The following MAP2K5 variants were observed in gnomAD, a reference collection of about 807,000 sequenced individuals.
The protein encoded by MAP2K5 is mitogen-activated protein kinase kinase 5, also known as dual specificity mitogen-activated protein kinase kinase 5.
MAP2K5 carries 49 observed loss-of-function variants against 83.1 expected under a neutral mutation model. The ratio of observed to expected loss-of-function variants is 0.59; its 90% confidence interval spans 0.47 to 0.75. MAP2K5 has a LOEUF of 0.75. MAP2K5 is among the 30% of genes least tolerant of loss of function. The pLI, the probability that MAP2K5 is intolerant of heterozygous loss-of-function variation, is 0.00. For missense variants in MAP2K5, 457 were observed against 557.5 expected, an observed-to-expected ratio of 0.82 and a Z score of 1.82; for synonymous variants, 202 against 191.8, an observed-to-expected ratio of 1.05 and a Z score of -0.44.
intron 7 of MAP2K5, among the ~76,000 whole-genome samples, chr15:67,600,417 C>G (rs1953144205): frequency 6.6e-6 from 1 of 152,168 alleles, no homozygotes; most frequent in Non-Finnish European, 1.5e-5. Context: ...CCCTTTTGAG[C>G]TATGTTGTAT....
At chr15:67,568,042 C>T (rs1055596192) in intron 3 of MAP2K5, among the ~76,000 whole-genome samples, 1 of 152,118 alleles carries the variant, frequency 6.6e-6, no homozygotes, top group Admixed American at 6.5e-5. Context: ...ATTTATTACA[C>T]CTGGTTCTCT....
At chr15:67,627,479 C>T (rs1200856121) in intron 8 of MAP2K5, among the ~76,000 whole-genome samples, 1 of 152,122 alleles carries the variant, frequency 6.6e-6, no homozygotes, top group Non-Finnish European at 1.5e-5. Context: ...TTTGTCCACT[C>T]AAGTAGGAAA....
At chr15:67,804,304 G>A (rs1228438271) in intron 21 of MAP2K5, among the ~76,000 whole-genome samples, 3 of 152,236 alleles carry the variant, frequency 2.0e-5, no homozygotes, top group African/African-American at 7.2e-5. Context: ...TGTCCCCTGT[G>A]ATTCTCCCTG....
intron 4 of MAP2K5, among the ~76,000 whole-genome samples, chr15:67,582,419 T>C (rs1185199098): frequency 6.6e-6 from 1 of 152,192 alleles, no homozygotes; most frequent in Non-Finnish European, 1.5e-5. Flanking sequence ...AGTTTCAAAA[T>C]TCTTTCTTCA....
Position 67,638,218 on chromosome 15 carries a change from A to G in MAP2K5, c.585+7291A>G, listed in dbSNP as rs898861549. Among the ~76,000 whole-genome samples the G allele has an allele frequency of 4.6e-5, 7 of 152,112 alleles. No individual in the cohort carries two copies. In the East Asian group the frequency reaches 1.2e-3, roughly 25 times the overall value. ...AGTTATTTTTCCTGATCATCTCCCC[A>G]CTTCACCCTCCACCTTCTGATAGGC... On this transcript the variant is annotated intron_variant, in intron 9 of 21. Coordinates refer to ENST00000178640, the MANE Select transcript of MAP2K5 (RefSeq NM_145160.3). This position sits in a 1 kb window ranked among gnomAD's most constrained non-coding sequence, Gnocchi z 4.5.
In MAP2K5 at chr15:67,736,487, C is replaced by A. The variant is rs2089343847; in HGVS notation, c.1074+8542C>A. Among the ~76,000 whole-genome samples the A allele has an allele frequency of 6.6e-6, 1 of 152,140 alleles. No homozygotes were observed. The highest frequency in any genetic ancestry group is 6.5e-5 in the Admixed American group (1 of 15,270). On this transcript the variant is annotated intron_variant, in intron 17 of 21. Transcript: ENST00000178640. This position sits in a 1 kb window ranked among gnomAD's most constrained non-coding sequence, Gnocchi z 4.3. The stretch of plus-strand genomic sequence containing the variant: ...GTATTATTTATATTTCCAGAAAGTT[C>A]TTCAGGGATTTACCTATGTAACTCT...
intron 13 of MAP2K5, among the ~76,000 whole-genome samples, chr15:67,683,734 TG>T (rs1449480243): frequency 1.4e-5 from 2 of 147,062 alleles, no homozygotes; most frequent in Non-Finnish European, 3.0e-5. Flanking sequence ...CACTTTAGCC[TG>T]GGTGACATGA....
At position 67,775,576 on chromosome 15, in the gene MAP2K5, T is replaced by C. The variant is rs1445367715; in HGVS notation, c.1242+2824T>C. Among the ~76,000 whole-genome samples the C allele has an allele frequency of 2.6e-5, 4 of 152,230 alleles. No homozygotes were observed. The highest frequency in any genetic ancestry group is 9.6e-5 in the African/African-American group (4 of 41,468). On this transcript the variant is annotated intron_variant, in intron 21 of 21. Coordinates refer to ENST00000178640, the MANE Select transcript of MAP2K5 (RefSeq NM_145160.3). The surrounding 1 kb of genome is among the most constrained non-coding windows in gnomAD (Gnocchi z 5.3). ...TCTAGACTCAGCAGAAGATATAAAG[T>C]AGAGGAAGCCACACAGATAATCTTT...
chr15:67,765,419 TACAAG>T (rs1263620379), intron 19 of MAP2K5, among the ~76,000 whole-genome samples: 1 of 152,180 alleles, frequency 6.6e-6, no homozygotes, highest in Non-Finnish European at 1.5e-5. Flanking sequence ...TTGTCATAGA[TACAAG>T]ACACAAACCA....
chr15:67,743,946 C>T (rs2089548786), intron 17 of MAP2K5, among the ~76,000 whole-genome samples: 2 of 152,160 alleles, frequency 1.3e-5, no homozygotes, highest in African/African-American at 2.4e-5. Context: ...GTCTTTCTTA[C>T]TCCAAAGTTC....
At position 67,717,738 on chromosome 15, in the gene MAP2K5, G is replaced by A. The variant is rs1488466881; in HGVS notation, c.1045-10178G>A. Among the ~76,000 whole-genome samples, 1 of 152,208 alleles carries A rather than the reference G, an allele frequency of 6.6e-6. No individual in the cohort carries two copies. The highest frequency in any genetic ancestry group is 2.4e-5 in the African/African-American group (1 of 41,446). The stretch of plus-strand genomic sequence containing the variant: ...AGATGACTTCATATGCGTGTATGAT[G>A]CTTTGGTGGGGATGGCCAGGAGTGG... On this transcript the variant is annotated intron_variant, in intron 16 of 21. Transcript: ENST00000178640. The surrounding 1 kb of genome is among the most constrained non-coding windows in gnomAD (Gnocchi z 4.1).
chr15:67,592,378 A>G (rs1684849752), intron 6 of MAP2K5, among the ~76,000 whole-genome samples: 1 of 152,180 alleles, frequency 6.6e-6, no homozygotes, highest in Admixed American at 6.5e-5. Flanking sequence ...CCCATTTTAC[A>G]GAAAGAGGAA....
chr15:67,643,784 T>C (rs2086771432), intron 9 of MAP2K5, among the ~76,000 whole-genome samples: 1 of 152,098 alleles, frequency 6.6e-6, no homozygotes, highest in Non-Finnish European at 1.5e-5. Flanking sequence ...TGCCTTTTTT[T>C]TCCCCACCTT....
intron 17 of MAP2K5, among the ~76,000 whole-genome samples, chr15:67,728,552 T>A (rs1177253089): frequency 6.6e-6 from 1 of 152,218 alleles, no homozygotes; most frequent in East Asian, 1.9e-4. Context: ...AAAGCTATTT[T>A]GTGGTTTGAA....
chr15:67,769,747 C>A lies in MAP2K5; in HGVS notation c.1196+84C>A. Reference sequence around the variant, plus strand: ...GGCAGCTCCGTGAGACCTTATGGCTCTCCCTGCATCCTTTTGGAGACAGGA... The same window carrying A: ...GGCAGCTCCGTGAGACCTTATGGCTATCCCTGCATCCTTTTGGAGACAGGA... On this transcript the variant is annotated intron_variant, in intron 20 of 21. Transcript: ENST00000178640. The surrounding 1 kb of genome is among the most constrained non-coding windows in gnomAD (Gnocchi z 5.2). 7.4e-7 allele frequency: 1 copy of A among 1,353,616 alleles called. No individual in the cohort carries two copies. The highest frequency in any genetic ancestry group is 1.2e-5 in the South Asian group (1 of 82,714). 83.9% of individuals were successfully genotyped at this position (1,353,616 alleles called of 1,614,324 possible).
Position 67,563,430 on chromosome 15 carries a change from G to T in MAP2K5, c.252+80G>T, listed in dbSNP as rs1420512109. 6.7e-7 allele frequency: 1 copy of T among 1,496,958 alleles called. No individual in the cohort carries two copies. Among genetic ancestry groups the T allele is most frequent in the African/African-American group, 1.4e-5 (1 of 71,614 alleles). 92.7% of individuals were successfully genotyped at this position (1,496,958 alleles called of 1,614,324 possible). On this transcript the variant is annotated intron_variant, in intron 3 of 21. Transcript: ENST00000178640. The surrounding 1 kb of genome is among the most constrained non-coding windows in gnomAD (Gnocchi z 4.5). ...GCTGTTTCTTGGGCATAGTGAAGAC[G>T]AGTAAATAAATCACAGTTGTCATAC...
At chr15:67,649,135 A>T (rs1205069676) in intron 11 of MAP2K5, among the ~76,000 whole-genome samples, 1 of 152,152 alleles carries the variant, frequency 6.6e-6, no homozygotes, top group Non-Finnish European at 1.5e-5. Flanking sequence ...TTCTCTAATG[A>T]CTAATGATGT....
chr15:67,725,756 A>G (rs758547790), intron 16 of MAP2K5, among the ~76,000 whole-genome samples: 3 of 152,236 alleles, frequency 2.0e-5, no homozygotes, highest in Non-Finnish European at 2.9e-5. Context: ...CTGTTAAGAC[A>G]CTGCAGACTG....
At chr15:67,672,115 A>G (rs536164406) in intron 13 of MAP2K5, among the ~76,000 whole-genome samples, 1,824 of 151,198 alleles carry the variant, frequency 0.012, 41 homozygotes, top group African/African-American at 0.042. Context: ...TAGTGCTGCA[A>G]TAAACATATG....
Sources: gnomAD v4.1 joint callset for allele counts (sites outside exome capture counted in the v4.1 genomes callset) on GRCh38, gnomAD v4.1.1 for gene constraint, Gnocchi (gnomAD v3.1) non-coding constraint, MANE v1.5 for transcripts, NCBI Gene and HGNC (gene_info 2026-07-23, HGNC 2026-07-21) for gene names.